IFI16: variants seen among roughly 807,000 people sequenced by gnomAD.
IFI16 encodes interferon gamma inducible protein 16.
Under a neutral mutation model 68.4 loss-of-function variants are expected in IFI16, and 49 were observed. The ratio of observed to expected loss-of-function variants is 0.72; its 90% CI spans 0.57 to 0.91. The LOEUF (loss-of-function observed/expected upper bound fraction) is 0.91, where lower values mean the gene tolerates loss of function less well. Among genes scored for constraint, IFI16 ranks in the 40% least tolerant of loss-of-function variants. IFI16 has a pLI of 0.00. For synonymous variants in IFI16, 307 were observed against 315.0 expected, an observed-to-expected ratio of 0.97 and a Z score of 0.27; for missense variants, 878 against 942.9, an observed-to-expected ratio of 0.93 and a Z score of 0.90.
intron 1 of IFI16, among the ~76,000 whole-genome samples, chr1:159,012,391 T>C (rs750313099): frequency 1.3e-5 from 2 of 152,210 alleles, no homozygotes; most frequent in African/African-American, 4.8e-5. Context: ...AATAGTGTCT[T>C]ACTAGAAACT....
chr1:159,004,426 C>A (rs557412247), upstream of IFI16, among the ~76,000 whole-genome samples: 1 of 150,774 alleles, frequency 6.6e-6, no homozygotes, highest in African/African-American at 2.4e-5. Flanking sequence ...CAAAACCAGC[C>A]GGGCATCGTG....
In IFI16 at chr1:159,054,978, A is replaced by C. The variant is rs1655595068; in HGVS notation, c.*77A>C. On this transcript the variant is annotated 3_prime_UTR_variant, in exon 12 of 12. Coordinates refer to ENST00000295809, the MANE Select transcript of IFI16 (RefSeq NM_001376587.1). Reference sequence around the variant, plus strand: ...AAAAAAATGTACATATACCTGGTTGAAATACAACACTATACATACACACCA... The same window carrying C: ...AAAAAAATGTACATATACCTGGTTGCAATACAACACTATACATACACACCA... 1 of 743,774 alleles carries C rather than the reference A, an allele frequency of 1.3e-6. No individual in the cohort carries two copies. The highest frequency in any genetic ancestry group is 1.6e-5 in the South Asian group (1 of 61,238). The allele number at this position is 743,774 out of a possible 1,614,324, so 46.1% of individuals were successfully genotyped here. A position where few individuals can be genotyped will look rare whatever the true frequency, so the allele number is the denominator to read the frequency against.
At chr1:159,031,832 G>A (rs558691123) in intron 6 of IFI16, among the ~76,000 whole-genome samples, 7 of 152,294 alleles carry the variant, frequency 4.6e-5, no homozygotes, top group African/African-American at 1.4e-4. Flanking sequence ...TATAAAACTC[G>A]TGGTAAATAA....
At chr1:159,006,861 T>G (rs1033092209), upstream of IFI16, among the ~76,000 whole-genome samples, 1 of 152,214 alleles carries the variant, frequency 6.6e-6, no homozygotes, top group African/African-American at 2.4e-5. Flanking sequence ...GCGATAGGTA[T>G]TTGCACCATA....
rs1655505457 is a variant in IFI16, at chr1:159,053,733, T to G, written c.2277+9T>G. The G allele has an allele frequency of 1.2e-6, 2 of 1,603,266 alleles. No homozygotes were observed. The highest frequency in any genetic ancestry group is 2.2e-5 in the South Asian group (2 of 90,580). On this transcript the variant is annotated intron_variant, in intron 11 of 11. Coordinates refer to ENST00000295809, the MANE Select transcript of IFI16 (RefSeq NM_001376587.1). ...TTCATAGTCACATCAAGGTTGGAAC[T>G]TTATAGGAACATCATTTTTCCAAGT...
intron 1 of IFI16, among the ~76,000 whole-genome samples, chr1:159,013,398 G>T (rs1003913335): frequency 4.0e-5 from 6 of 151,818 alleles, no homozygotes; most frequent in Non-Finnish European, 8.8e-5. Context: ...TTGATCTCCG[G>T]AACTTGTGAT....
At chr1:159,015,003 T>C in intron 2 of IFI16, 58 bp downstream of exon 2, 2 of 1,453,108 alleles carry the variant, frequency 1.4e-6, no homozygotes, top group Non-Finnish European at 9.3e-7. Context: ...CTCCCCAACA[T>C]TGATTAGAGC....
At chr1:159,047,045 G>A (rs1319087058) in intron 8 of IFI16, among the ~76,000 whole-genome samples, 1 of 151,064 alleles carries the variant, frequency 6.6e-6, no homozygotes, top group Non-Finnish European at 1.5e-5. Context: ...GCGCTATGGG[G>A]CCTACACCCA....
At chr1:159,043,254 T>C (rs3754459) in intron 7 of IFI16, among the ~76,000 whole-genome samples, 11,537 of 152,016 alleles carry the variant, frequency 0.076, 246 homozygotes, top group African/African-American at 0.14. Flanking sequence ...CCATGTGTAG[T>C]CATGAAAATC....
chr1:159,012,710 A>G (rs557771482), intron 1 of IFI16, among the ~76,000 whole-genome samples: 44 of 152,250 alleles, frequency 2.9e-4, no homozygotes, highest in Non-Finnish European at 3.5e-4. Flanking sequence ...TTTAAATTCT[A>G]TAGGGGTAAT....
At chr1:159,041,836 T>A (rs552875944) in intron 7 of IFI16, among the ~76,000 whole-genome samples, 1 of 152,080 alleles carries the variant, frequency 6.6e-6, no homozygotes, top group African/African-American at 2.4e-5. Flanking sequence ...TTTGAAAAAA[T>A]CATATATGGA....
intron 6 of IFI16, among the ~76,000 whole-genome samples, chr1:159,029,180 T>C (rs1653845965): frequency 2.0e-5 from 3 of 152,238 alleles, no homozygotes; most frequent in African/African-American, 4.8e-5. Context: ...GTTCTTGTAA[T>C]GCTGGCTTGG....
intron 6 of IFI16, among the ~76,000 whole-genome samples, chr1:159,021,132 T>C (rs1336003409): frequency 2.0e-5 from 3 of 152,202 alleles, no homozygotes; most frequent in Non-Finnish European, 4.4e-5. Context: ...GGGAAACAGG[T>C]GGTGCTTCGT....
At chr1:159,014,553 C>G (rs1358592621) in intron 1 of IFI16, 108 bp from the exon 2 acceptor site, 1 of 654,906 alleles carries the variant, frequency 1.5e-6, no homozygotes, top group Non-Finnish European at 2.5e-6. Flanking sequence ...CTTTATCACA[C>G]ATATTCATGA....
intron 8 of IFI16, among the ~76,000 whole-genome samples, chr1:159,046,540 C>T (rs924035553): frequency 2.6e-5 from 4 of 151,224 alleles, no homozygotes; most frequent in Non-Finnish European, 4.4e-5. Context: ...AATAACAATT[C>T]CACCAGTATT....
At chr1:159,019,537 C>G (rs984440970) in intron 5 of IFI16, among the ~76,000 whole-genome samples, 1 of 151,676 alleles carries the variant, frequency 6.6e-6, no homozygotes, top group Non-Finnish European at 1.5e-5. Flanking sequence ...CGGCTCACTG[C>G]AACCTTCGCC....
chr1:159,021,354 G>A (rs1476377177), intron 6 of IFI16, among the ~76,000 whole-genome samples: 1 of 152,116 alleles, frequency 6.6e-6, no homozygotes, highest in Non-Finnish European at 1.5e-5. Flanking sequence ...ACAATGTTTG[G>A]TTTTCCTCTC....
chr1:159,033,641 C>T (rs2101876895), intron 7 of IFI16, among the ~76,000 whole-genome samples: 1 of 152,284 alleles, frequency 6.6e-6, no homozygotes, highest in South Asian at 2.1e-4. Flanking sequence ...AAATTAGAGT[C>T]ATGATTCATA....
chr1:159,040,846 CA>C (rs1347604877), intron 7 of IFI16, among the ~76,000 whole-genome samples: 1 of 152,240 alleles, frequency 6.6e-6, no homozygotes, highest in Non-Finnish European at 1.5e-5. Context: ...TCTCAATTCA[CA>C]TATGAGAACA....
Sources: allele counts gnomAD v4.1 joint callset (sites outside exome capture counted in the v4.1 genomes callset), GRCh38; gene constraint gnomAD v4.1.1; transcripts MANE v1.5; gene names NCBI Gene and HGNC (gene_info 2026-07-23, HGNC 2026-07-21).